GRIA1: variants seen among roughly 807,000 people sequenced by gnomAD.
GRIA1 encodes glutamate ionotropic receptor AMPA type subunit 1.
In GRIA1, 31 loss-of-function variants were observed where a neutral mutation model predicts 99.2. The ratio of observed to expected loss-of-function variants is 0.31; its 90% confidence interval spans 0.23 to 0.42. GRIA1 has a LOEUF of 0.42. GRIA1 is among the 10% of genes least tolerant of loss of function. The pLI, the probability that GRIA1 is intolerant of heterozygous loss-of-function variation, is 1.00. For synonymous variants in GRIA1, 438 were observed against 432.4 expected, an observed-to-expected ratio of 1.01 and a Z score of -0.16; for missense variants, 782 against 1,157.5, an observed-to-expected ratio of 0.68 and a Z score of 4.71.
intron 2 of GRIA1, among the ~76,000 whole-genome samples, chr5:153,619,548 A>C (rs565607583): frequency 1.3e-4 from 20 of 152,170 alleles, no homozygotes; most frequent in African/African-American, 4.1e-4. Context: ...ACAAATCGCT[A>C]TCCACATAAT....
intron 2 of GRIA1, among the ~76,000 whole-genome samples, chr5:153,523,061 C>A (rs1281153884): frequency 7.1e-6 from 1 of 141,800 alleles, no homozygotes; most frequent in African/African-American, 2.6e-5. Context: ...ATCCATCTTG[C>A]AGACCTGATC....
At chr5:153,683,277 G>A (rs1757114360) in intron 7 of GRIA1, among the ~76,000 whole-genome samples, 1 of 152,170 alleles carries the variant, frequency 6.6e-6, no homozygotes, top group South Asian at 2.1e-4. Context: ...TGCCATCATG[G>A]AATGGTGTTT....
intron 15 of GRIA1, 92 bp downstream of exon 15, chr5:153,802,582 A>C (rs1766124505): frequency 7.5e-7 from 1 of 1,338,538 alleles, no homozygotes; most frequent in Non-Finnish European, 1.1e-6. Context: ...GTGGGGAATG[A>C]CAGGTGGTTG....
At chr5:153,547,761 G>C (rs1016313428) in intron 2 of GRIA1, among the ~76,000 whole-genome samples, 1 of 152,126 alleles carries the variant, frequency 6.6e-6, no homozygotes, top group African/African-American at 2.4e-5. Context: ...GCTCAGACCT[G>C]TGGAAGAACC....
rs70978505 is a variant in GRIA1 at position 153,705,662 on chromosome 5, A to ATTTTTTT, written c.1453-10_1453-4dup. 2.4e-3 allele frequency: 1,828 copies of ATTTTTTT among 752,424 alleles called. 103 individuals are homozygous for ATTTTTTT. The highest frequency in any genetic ancestry group is 6.9e-3 in the African/African-American group (161 of 23,272). The allele number at this position is 752,424 out of a possible 1,614,324, so 46.6% of individuals were successfully genotyped here. A position where few individuals can be genotyped will look rare whatever the true frequency, so the allele number is the denominator to read the frequency against. ...GAAAAGGGCTGCTGAGCTCACCTGC[A>ATTTTTTT]TTTTTTTTTTTTTTTTTTTTTTTTT... On this transcript the variant is annotated intron_variant, in intron 10 of 15. Coordinates refer to ENST00000285900, the MANE Select transcript of GRIA1 (RefSeq NM_000827.4).
At chr5:153,509,552 A>C (rs1185678085) in intron 2 of GRIA1, among the ~76,000 whole-genome samples, 1 of 152,206 alleles carries the variant, frequency 6.6e-6, no homozygotes, top group African/African-American at 2.4e-5. Context: ...CAAGAGAATA[A>C]AATTATTTGT....
intron 2 of GRIA1, among the ~76,000 whole-genome samples, chr5:153,551,765 G>A (rs1332643935): frequency 2.0e-5 from 3 of 152,152 alleles, no homozygotes; most frequent in Non-Finnish European, 4.4e-5. Flanking sequence ...CTTTCATGCT[G>A]TGTCATAGCC....
chr5:153,525,859 T>G (rs1488368604), intron 2 of GRIA1, among the ~76,000 whole-genome samples: 2 of 152,182 alleles, frequency 1.3e-5, no homozygotes, highest in Non-Finnish European at 2.9e-5. Context: ...ACTCAGTAAG[T>G]TGGAGAGTCT....
At chr5:153,572,902 C>T (rs148824545) in intron 2 of GRIA1, among the ~76,000 whole-genome samples, 2 of 152,142 alleles carry the variant, frequency 1.3e-5, no homozygotes, top group Admixed American at 6.5e-5. Flanking sequence ...GGGAGGCATG[C>T]GAGAAATATT....
chr5:153,490,880 A>G lies in GRIA1; in HGVS notation c.-9A>G, dbSNP rs774793095. 8 of 1,612,188 alleles carry G rather than the reference A, an allele frequency of 5.0e-6. No individual in the cohort carries two copies. Among genetic ancestry groups the G allele is most frequent in the Non-Finnish European group, 6.8e-6 (8 of 1,178,338 alleles). ...CCTGGGCTTCTTTTTCGCCAATGCA[A>G]AAAGGAATATGCAGCACATTTTTGC... On this transcript the variant is annotated 5_prime_UTR_variant, in exon 1 of 16. Coordinates refer to ENST00000285900, the MANE Select transcript of GRIA1 (RefSeq NM_000827.4).
Position 153,547,467 on chromosome 5 carries a change from G to A in GRIA1, c.220+53402G>A, listed in dbSNP as rs74381797. Among the ~76,000 whole-genome samples, 1,232 of 152,264 alleles carry A rather than the reference G, an allele frequency of 8.1e-3. 17 individuals are homozygous for A. The highest frequency in any genetic ancestry group is 0.028 in the East Asian group (144 of 5,180). On this transcript the variant is annotated intron_variant, in intron 2 of 15. Transcript: ENST00000285900. The stretch of plus-strand genomic sequence containing the variant: ...CCCTTAATAAATAAAGTGCTACATT[G>A]CCACAGTAATCAACAACCTTCTACC...
At chr5:153,587,168 G>A (rs1763563799) in intron 2 of GRIA1, among the ~76,000 whole-genome samples, 1 of 152,112 alleles carries the variant, frequency 6.6e-6, no homozygotes, top group African/African-American at 2.4e-5. Context: ...TGTGGGTCAT[G>A]GGGGCAGATC....
At chr5:153,745,589 CAAAAAAA>C (rs58166158) in intron 11 of GRIA1, among the ~76,000 whole-genome samples, 1,473 of 100,902 alleles carry the variant, frequency 0.015, 21 homozygotes, top group African/African-American at 0.051. Flanking sequence ...AACTCTGTCT[CAAAAAAA>C]AAAAAAAAAA....
At chr5:153,571,495 A>G (rs1184929783) in intron 2 of GRIA1, among the ~76,000 whole-genome samples, 1 of 152,214 alleles carries the variant, frequency 6.6e-6, no homozygotes, top group Non-Finnish European at 1.5e-5. Flanking sequence ...TGAATTTCAT[A>G]TAATTTTCAT....
At chr5:153,535,652 T>G (rs1236062668) in intron 2 of GRIA1, among the ~76,000 whole-genome samples, 1 of 152,262 alleles carries the variant, frequency 6.6e-6, no homozygotes, top group African/African-American at 2.4e-5. Context: ...CATCCATTCC[T>G]AACATAAAAT....
chr5:153,713,052 G>C (rs1365091354), intron 11 of GRIA1, among the ~76,000 whole-genome samples: 1 of 152,196 alleles, frequency 6.6e-6, no homozygotes, highest in Non-Finnish European at 1.5e-5. Context: ...AGGCCCATAT[G>C]GCAGCTAGAA....
At chr5:153,642,789 C>T (rs184867548) in intron 2 of GRIA1, among the ~76,000 whole-genome samples, 6 of 152,268 alleles carry the variant, frequency 3.9e-5, no homozygotes, top group Admixed American at 3.9e-4. Context: ...CTGAAAAATG[C>T]CCCATCTCTT....
intron 2 of GRIA1, among the ~76,000 whole-genome samples, chr5:153,639,720 T>A (rs1753654960): frequency 6.6e-6 from 1 of 152,226 alleles, no homozygotes; most frequent in South Asian, 2.1e-4. Context: ...TATCTTTTTA[T>A]CCAGTGATGT....
At chr5:153,742,049 C>T (rs1041082312) in intron 11 of GRIA1, among the ~76,000 whole-genome samples, 1 of 151,444 alleles carries the variant, frequency 6.6e-6, no homozygotes, top group African/African-American at 2.4e-5. Context: ...CAGAATTTAA[C>T]AGAGAAACCC....
Sources: allele counts gnomAD v4.1 joint callset (sites outside exome capture counted in the v4.1 genomes callset), GRCh38; gene constraint gnomAD v4.1.1; transcripts MANE v1.5; gene names NCBI Gene and HGNC (gene_info 2026-07-23, HGNC 2026-07-21).